PTPRD: variants seen among roughly 807,000 people sequenced by gnomAD.
PTPRD encodes receptor-type tyrosine-protein phosphatase delta.
PTPRD carries 34 observed loss-of-function variants against 214.5 expected under a neutral mutation model. That is an observed-to-expected ratio of 0.16 (90% CI 0.12 to 0.21). The LOEUF (loss-of-function observed/expected upper bound fraction) is 0.21. Ranked by LOEUF, PTPRD falls within the 10% of genes least tolerant of loss-of-function variation. The pLI is 1.00. For synonymous variants in PTPRD, 1,128 were observed against 845.7 expected (o/e 1.33, Z -5.79); for missense variants, 2,545 against 2,398.7 (o/e 1.06, Z -1.27).
chr9:10,332,952 C>T (rs977120271), intron 3 of PTPRD, among the ~76,000 whole-genome samples: 1 of 151,788 alleles, frequency 6.6e-6, no homozygotes, highest in South Asian at 2.1e-4. Context: ...ATGTATATAA[C>T]GTAATGTTTG....
chr9:9,755,120 G>A (rs953012236), intron 6 of PTPRD, among the ~76,000 whole-genome samples: 1 of 151,982 alleles, frequency 6.6e-6, no homozygotes, highest in African/African-American at 2.4e-5. Context: ...ATCTCCAGAT[G>A]ATTCCTATAA....
intron 12 of PTPRD, among the ~76,000 whole-genome samples, chr9:8,709,354 A>C (rs1164175732): frequency 6.6e-6 from 1 of 151,864 alleles, no homozygotes; most frequent in Non-Finnish European, 1.5e-5. Flanking sequence ...CTCTACTAAA[A>C]AATACAAAAA....
intron 7 of PTPRD, among the ~76,000 whole-genome samples, chr9:9,716,413 C>T (rs1001071974): frequency 1.3e-5 from 2 of 151,650 alleles, no homozygotes; most frequent in Non-Finnish European, 2.9e-5. Flanking sequence ...GTTCTAGATC[C>T]CTGAGGAATC....
At chr9:8,679,127 T>C (rs1460328886) in intron 12 of PTPRD, among the ~76,000 whole-genome samples, 1 of 152,152 alleles carries the variant, frequency 6.6e-6, no homozygotes, top group Non-Finnish European at 1.5e-5. Context: ...CTCAACAGCC[T>C]ATAAAAAGGA....
chr9:8,325,068 G>GT (rs1351321250), intron 44 of PTPRD, among the ~76,000 whole-genome samples: 2 of 148,954 alleles, frequency 1.3e-5, no homozygotes, highest in South Asian at 2.1e-4. Flanking sequence ...TCTGATGGTA[G>GT]TTTTTTATGC....
chr9:10,200,832 T>C (rs2099416954), intron 3 of PTPRD, among the ~76,000 whole-genome samples: 1 of 152,116 alleles, frequency 6.6e-6, no homozygotes, highest in Non-Finnish European at 1.5e-5. Context: ...ATTGAAAGCA[T>C]CTAGCATATT....
At chr9:9,360,913 C>A (rs1201517759) in intron 9 of PTPRD, among the ~76,000 whole-genome samples, 1 of 150,872 alleles carries the variant, frequency 6.6e-6, no homozygotes, top group Non-Finnish European at 1.5e-5. Context: ...AGCACTGAAG[C>A]CAGATGTGTA....
Position 9,555,310 on chromosome 9 carries a change from T to C in PTPRD, c.-237+19422A>G, listed in dbSNP as rs190611115. On this transcript the variant is annotated intron_variant, in intron 8 of 45. Transcript: ENST00000381196. The stretch of plus-strand genomic sequence containing the variant: ...TTGTTTACCTATATAAACCTGAATG[T>C]TCCCCCCATAATTATTGACCAGTCA... 7.2e-5 allele frequency among the ~76,000 whole-genome samples: 11 copies of C among 152,174 alleles called. 1 individual carries two copies. The East Asian group carries it at 2.1e-3, about 29-fold the overall frequency.
intron 9 of PTPRD, among the ~76,000 whole-genome samples, chr9:9,253,281 A>G (rs949593933): frequency 1.3e-5 from 2 of 152,086 alleles, no homozygotes; most frequent in African/African-American, 4.8e-5. Context: ...TTCCATGAAC[A>G]TTCAATATAA....
intron 5 of PTPRD, among the ~76,000 whole-genome samples, chr9:9,812,674 T>A (rs114107067): frequency 0.01 from 1,584 of 152,166 alleles, 34 homozygotes; most frequent in African/African-American, 0.037. Flanking sequence ...AAAGAAAATA[T>A]AAACAGGACT....
At chr9:10,268,293 A>AAAC (rs2094206054) in intron 3 of PTPRD, among the ~76,000 whole-genome samples, 1 of 144,850 alleles carries the variant, frequency 6.9e-6, no homozygotes, top group Admixed American at 7.0e-5. Context: ...CTGTTGCTAT[A>AAAC]AATAATAATA....
chr9:10,229,697 G>T (rs573050841), intron 3 of PTPRD, among the ~76,000 whole-genome samples: 2 of 147,104 alleles, frequency 1.4e-5, no homozygotes, highest in East Asian at 4.1e-4. Context: ...CTCCGGGGAT[G>T]GTTGTGGGGT....
At chr9:9,563,263 G>A (rs2083437941) in intron 8 of PTPRD, among the ~76,000 whole-genome samples, 1 of 152,106 alleles carries the variant, frequency 6.6e-6, no homozygotes, top group Admixed American at 6.6e-5. Flanking sequence ...CATGGCTTAG[G>A]TGCGCTGTGC....
chr9:9,331,754 A>C (rs1482065236), intron 9 of PTPRD, among the ~76,000 whole-genome samples: 1 of 152,022 alleles, frequency 6.6e-6, no homozygotes, highest in Admixed American at 6.6e-5. Flanking sequence ...CAATCACTGA[A>C]TCAAATCATC....
At chr9:9,638,634 T>C (rs1424279183) in intron 7 of PTPRD, among the ~76,000 whole-genome samples, 2 of 152,164 alleles carry the variant, frequency 1.3e-5, no homozygotes, top group Non-Finnish European at 2.9e-5. Context: ...TCAAAACTCT[T>C]CCAGCCTCTA....
chr9:9,283,481 G>A (rs556498646), intron 9 of PTPRD, among the ~76,000 whole-genome samples: 58 of 150,838 alleles, frequency 3.8e-4, no homozygotes, highest in Non-Finnish European at 5.0e-4. Context: ...TATAATTTTA[G>A]CTTTATATTT....
At chr9:8,732,170 T>C (rs1286641632) in intron 12 of PTPRD, among the ~76,000 whole-genome samples, 1 of 152,190 alleles carries the variant, frequency 6.6e-6, no homozygotes, top group African/African-American at 2.4e-5. Flanking sequence ...ATTTTAAAAG[T>C]CTTCCTTTCT....
intron 11 of PTPRD, among the ~76,000 whole-genome samples, chr9:8,734,981 T>A (rs1405471421): frequency 2.6e-5 from 4 of 152,030 alleles, no homozygotes; most frequent in African/African-American, 4.8e-5. Flanking sequence ...AAAACCTGAG[T>A]TTCCTGGTTT....
rs372307591 is a variant in PTPRD, at chr9:9,996,320, G to A, written c.-472+37398C>T. 5.9e-5 allele frequency among the ~76,000 whole-genome samples: 9 copies of A among 152,210 alleles called. No individual in the cohort carries two copies. The East Asian group carries it at 1.4e-3, about 23-fold the overall frequency. On this transcript the variant is annotated intron_variant, in intron 4 of 45. Transcript: ENST00000381196. ...CAAAAGCCTCTCAGAAGACAAAATA[G>A]TAATTTGTTACACAATATTACCATA...
Sources: allele counts gnomAD v4.1 joint callset (sites outside exome capture counted in the v4.1 genomes callset), GRCh38; gene constraint gnomAD v4.1.1; transcripts MANE v1.5; gene names NCBI Gene and HGNC (gene_info 2026-07-23, HGNC 2026-07-21).